The following LRP1B variants were observed in gnomAD, a reference collection of about 807,000 sequenced individuals.
LRP1B encodes the protein low-density lipoprotein receptor-related protein 1B.
LRP1B carries 217 observed loss-of-function variants against 556.6 expected under a neutral mutation model. That is an observed-to-expected ratio of 0.39 (90% CI 0.35 to 0.44). LRP1B has a LOEUF of 0.44. LRP1B is among the 20% of genes least tolerant of loss of function. The pLI is 1.00. For synonymous variants in LRP1B, 2,047 were observed against 1,865.8 expected, an observed-to-expected ratio of 1.10 and a Z score of -2.50; for missense variants, 5,053 against 5,620.8, an observed-to-expected ratio of 0.90 and a Z score of 3.23.
At chr2:141,195,192 C>T (rs1165919101) in intron 6 of LRP1B, among the ~76,000 whole-genome samples, 1 of 152,096 alleles carries the variant, frequency 6.6e-6, no homozygotes, top group Non-Finnish European at 1.5e-5. Context: ...ATCACTCACT[C>T]TGGTGGAAGC....
intron 22 of LRP1B, among the ~76,000 whole-genome samples, chr2:140,907,526 C>A (rs78994277): frequency 2.0e-5 from 3 of 151,978 alleles, no homozygotes; most frequent in Admixed American, 6.6e-5. Context: ...GAGTTCCATC[C>A]GTAGATGAGG....
intron 33 of LRP1B, among the ~76,000 whole-genome samples, chr2:140,774,565 C>A (rs1308081330): frequency 6.6e-6 from 1 of 152,078 alleles, no homozygotes; most frequent in African/African-American, 2.4e-5. Context: ...CTCTCTTGCA[C>A]ACCTTCCCTC....
At chr2:140,928,260 A>C (rs1319137770) in intron 20 of LRP1B, among the ~76,000 whole-genome samples, 1 of 152,224 alleles carries the variant, frequency 6.6e-6, no homozygotes, top group Admixed American at 6.5e-5. Flanking sequence ...AAGTGCTGTG[A>C]AGAAAACGGA....
chr2:141,715,098 T>C (rs1692528664), intron 2 of LRP1B, among the ~76,000 whole-genome samples: 1 of 152,150 alleles, frequency 6.6e-6, no homozygotes, highest in African/African-American at 2.4e-5. Flanking sequence ...ACTCTCTTTG[T>C]AATAGAAACC....
At chr2:140,983,445 CT>C (rs1292679791) in intron 17 of LRP1B, among the ~76,000 whole-genome samples, 3 of 152,100 alleles carry the variant, frequency 2.0e-5, no homozygotes, top group Admixed American at 1.3e-4. Flanking sequence ...CATCAACACA[CT>C]TTGTGAACTT....
At chr2:141,443,421 GCTC>G (rs1681060997) in intron 3 of LRP1B, among the ~76,000 whole-genome samples, 1 of 152,122 alleles carries the variant, frequency 6.6e-6, no homozygotes, top group Non-Finnish European at 1.5e-5. Flanking sequence ...CTGTGCAGGA[GCTC>G]TTTAGTTGAA....
intron 2 of LRP1B, among the ~76,000 whole-genome samples, chr2:141,491,743 T>G (rs1683342525): frequency 6.6e-6 from 1 of 152,138 alleles, no homozygotes; most frequent in South Asian, 2.1e-4. Context: ...TCATTTGATC[T>G]TTGATTCCAC....
intron 31 of LRP1B, among the ~76,000 whole-genome samples, chr2:140,820,110 T>C (rs1403534951): frequency 2.0e-5 from 3 of 152,112 alleles, no homozygotes; most frequent in Admixed American, 6.5e-5. Flanking sequence ...AGAGATTCTC[T>C]TGCTTCAGCC....
rs570093334 is a variant in LRP1B, at chr2:140,335,721, G to A, written c.12010C>T (p.Leu4004=). The change falls in exon 78 of 91, where the codon CTG becomes TTG. Residue 4004 remains leucine (L), a synonymous_variant. Coordinates refer to ENST00000389484, the MANE Select transcript of LRP1B (RefSeq NM_018557.3). ...TGCCCTACGTTGATAGAGTACCTCA[G>A]ACTGGTCCAGTGAGTAGTGTAGTAA... is the stretch of plus-strand genomic sequence containing the variant. The part of the protein sequence containing the change: ...FSYYTTHWTS[L]RYSINVGQLN... 9.3e-6 allele frequency: 15 copies of A among 1,611,996 alleles called. No individual in the cohort carries two copies. The East Asian group carries it at 2.9e-4, about 31-fold the overall frequency.
At chr2:141,210,070 A>G (rs111582026) in intron 6 of LRP1B, among the ~76,000 whole-genome samples, 1,070 of 57,226 alleles carry the variant, frequency 0.019, 5 homozygotes, top group African/African-American at 0.057. Flanking sequence ...TTACAGCCTG[A>G]AAAAAAAAAA....
intron 46 of LRP1B, among the ~76,000 whole-genome samples, chr2:140,536,304 G>T (rs1272704918): frequency 1.3e-4 from 11 of 84,284 alleles, no homozygotes; most frequent in African/African-American, 5.6e-4. Context: ...ATGAGACCCC[G>T]TCTCTTTAAA....
intron 2 of LRP1B, among the ~76,000 whole-genome samples, chr2:141,625,181 G>C (rs140967528): frequency 1.2e-4 from 19 of 152,116 alleles, no homozygotes; most frequent in African/African-American, 4.3e-4. Flanking sequence ...TCTTTTCTTC[G>C]CACTTTTTAA....
intron 20 of LRP1B, among the ~76,000 whole-genome samples, chr2:140,947,157 C>A (rs141774318): frequency 9.2e-5 from 14 of 151,978 alleles, no homozygotes; most frequent in African/African-American, 2.7e-4. Context: ...AAGTACCCCC[C>A]GAATCTATTA....
intron 1 of LRP1B, among the ~76,000 whole-genome samples, chr2:142,065,417 C>A (rs949269589): frequency 2.6e-5 from 4 of 151,034 alleles, no homozygotes; most frequent in African/African-American, 4.8e-5. Context: ...TTGATGCCTT[C>A]CTGCTTGGCC....
At chr2:141,612,095 C>T (rs1559176115) in intron 2 of LRP1B, among the ~76,000 whole-genome samples, 1 of 152,200 alleles carries the variant, frequency 6.6e-6, no homozygotes, top group Non-Finnish European at 1.5e-5. Flanking sequence ...ACACAAACAA[C>T]AAACCTTGTA....
intron 3 of LRP1B, among the ~76,000 whole-genome samples, chr2:141,276,638 T>C (rs1370081216): frequency 2.2e-5 from 3 of 137,252 alleles, no homozygotes; most frequent in African/African-American, 5.4e-5. Context: ...CATTCTATTT[T>C]TTTCTTTCTT....
chr2:141,399,117 G>A (rs903392238), intron 3 of LRP1B, among the ~76,000 whole-genome samples: 3 of 151,988 alleles, frequency 2.0e-5, no homozygotes, highest in East Asian at 3.9e-4. Flanking sequence ...TTAGCTGGGC[G>A]TGGTGGCGCA....
rs770202143 is a variant in LRP1B at position 140,492,669 on chromosome 2, G to A, written c.9059C>T (p.Ala3020Val). ...LSDEEPFLILADHHEIRKIST... is the reference protein window; with the variant it reads ...LSDEEPFLILVDHHEIRKIST... ...AATTTTCCTTATCTCATGATGATCA[G>A]CAAGAATTAAAAAAGGTTCTTCATC... The change falls in exon 57 of 91, where the codon GCT becomes GTT. Residue 3020 changes from alanine to valine, a missense_variant. Around this residue, in one of 5 missense-constraint regions of LRP1B, gnomAD observed 3,619 missense variants for 3,931.9 expected, o/e 0.92. Coordinates refer to ENST00000389484, the MANE Select transcript of LRP1B (RefSeq NM_018557.3). 1 of 1,612,966 alleles carries A rather than the reference G, an allele frequency of 6.2e-7. No individual in the cohort carries two copies. Among genetic ancestry groups the A allele is most frequent in the Admixed American group, 1.7e-5 (1 of 59,984 alleles).
intron 7 of LRP1B, among the ~76,000 whole-genome samples, chr2:141,083,677 T>C (rs184626730): frequency 6.6e-6 from 1 of 152,308 alleles, no homozygotes; most frequent in African/African-American, 2.4e-5. Flanking sequence ...AATAGGTTAA[T>C]GGATTAATGG....
Sources: allele counts gnomAD v4.1 joint callset (sites outside exome capture counted in the v4.1 genomes callset), GRCh38; gene constraint gnomAD v4.1.1; regional missense constraint gnomAD v4.1.1; transcripts MANE v1.5; gene names NCBI Gene and HGNC (gene_info 2026-07-23, HGNC 2026-07-21).